Variants in ZFHX3 observed in about 807,000 individuals in gnomAD.
The protein encoded by ZFHX3 is zinc finger homeobox protein 3.
A neutral mutation model predicts 279.1 loss-of-function variants in ZFHX3; 42 were observed. The observed-to-expected ratio is 0.15, with a 90% CI of 0.12 to 0.19. The LOEUF is 0.19. ZFHX3 is among the 10% of genes least tolerant of loss of function. The pLI is 1.00. For missense variants in ZFHX3, 4,981 were observed against 4,754.0 expected, an observed-to-expected ratio of 1.05 and a Z score of -1.40; for synonymous variants, 2,293 against 1,957.8, an observed-to-expected ratio of 1.17 and a Z score of -4.52.
intron 3 of ZFHX3, among the ~76,000 whole-genome samples, chr16:73,374,826 A>T (rs1284512852): frequency 6.6e-6 from 1 of 152,196 alleles, no homozygotes; most frequent in Non-Finnish European, 1.5e-5. Flanking sequence ...GGTGGTGTTT[A>T]CATGTTCTGC....
At chr16:73,108,775 C>T (rs983701494) in intron 7 of ZFHX3, among the ~76,000 whole-genome samples, 1 of 152,212 alleles carries the variant, frequency 6.6e-6, no homozygotes, top group African/African-American at 2.4e-5. Flanking sequence ...GTCTTATTAC[C>T]TGTTGATTAG....
chr16:73,669,752 T>C (rs1482051453), intron 2 of ZFHX3, among the ~76,000 whole-genome samples: 2 of 152,234 alleles, frequency 1.3e-5, no homozygotes, highest in Non-Finnish European at 2.9e-5. Flanking sequence ...GCTTGTTTCC[T>C]GGTCTCTCAG....
At chr16:73,196,150 GTTT>G (rs11357649) in intron 5 of ZFHX3, among the ~76,000 whole-genome samples, 1 of 104,924 alleles carries the variant, frequency 9.5e-6, no homozygotes, top group African/African-American at 3.7e-5. Context: ...TCTTGAAATA[GTTT>G]TTTTTTTTTT....
chr16:73,016,791 C>G (rs1400007298), intron 1 of ZFHX3, among the ~76,000 whole-genome samples: 1 of 152,070 alleles, frequency 6.6e-6, no homozygotes, highest in African/African-American at 2.4e-5. Flanking sequence ...TGTGGATTCG[C>G]ACCCTGGTGA....
intron 1 of ZFHX3, among the ~76,000 whole-genome samples, chr16:73,040,666 A>G (rs1452082258): frequency 6.6e-6 from 1 of 152,228 alleles, no homozygotes; most frequent in Admixed American, 6.5e-5. Flanking sequence ...CATGGGGAAG[A>G]AGAGAATTGC....
At chr16:73,035,078 C>T (rs8057081) in intron 1 of ZFHX3, among the ~76,000 whole-genome samples, 38,058 of 151,914 alleles carry the variant, frequency 0.25, 4,900 homozygotes, top group East Asian at 0.35. Context: ...TTGTCACTAC[C>T]GAGCCTGTGA....
At chr16:73,887,177 A>G (rs2030374286) in intron 1 of ZFHX3, among the ~76,000 whole-genome samples, 1 of 152,200 alleles carries the variant, frequency 6.6e-6, no homozygotes, top group African/African-American at 2.4e-5. Flanking sequence ...TATAAAATAA[A>G]TTAACAAAAT....
At chr16:73,621,706 A>C (rs1478802885) in intron 2 of ZFHX3, among the ~76,000 whole-genome samples, 1 of 152,216 alleles carries the variant, frequency 6.6e-6, no homozygotes. Flanking sequence ...TCCAGGTTAT[A>C]TATCTACAAT....
intron 6 of ZFHX3, among the ~76,000 whole-genome samples, chr16:73,136,521 C>T (rs900651150): frequency 2.0e-5 from 3 of 151,956 alleles, no homozygotes; most frequent in Middle Eastern, 3.4e-3. Context: ...GTCAGGAGTT[C>T]GAGACCAGCC....
rs549467711 is a variant in ZFHX3, at chr16:73,175,418, GC to G, written c.-1103-31588del. Among the ~76,000 whole-genome samples, 40 of 151,868 alleles carry G rather than the reference GC, an allele frequency of 2.6e-4. No homozygotes were observed. The East Asian group carries it at 6.6e-3, about 25-fold the overall frequency. ...CAAACAAACAAAAAAACCACTGGTG[GC>G]CCCTGCCTGCTTCTCCAACTTGGTC... On this transcript the variant is annotated intron_variant, in intron 5 of 17. Coordinates refer to the ZFHX3 transcript ENST00000641206.
At chr16:73,780,316 T>A (rs1052847896) in intron 1 of ZFHX3, among the ~76,000 whole-genome samples, 2 of 150,732 alleles carry the variant, frequency 1.3e-5, no homozygotes, top group Non-Finnish European at 3.0e-5. Flanking sequence ...CCTGGCTAAT[T>A]TTTGTATTTT....
chr16:72,990,246 T>C (rs1407553544), intron 1 of ZFHX3, among the ~76,000 whole-genome samples: 1 of 152,196 alleles, frequency 6.6e-6, no homozygotes, highest in East Asian at 1.9e-4. Context: ...TGGCAATTTC[T>C]GAGGTTTAAG....
At chr16:73,559,122 A>C (rs894448378) in intron 2 of ZFHX3, among the ~76,000 whole-genome samples, 1 of 151,734 alleles carries the variant, frequency 6.6e-6, no homozygotes, top group Non-Finnish European at 1.5e-5. Flanking sequence ...ATCACGGCTC[A>C]CTGCAGCTTT....
At chr16:73,193,312 T>C (rs1170767278) in intron 5 of ZFHX3, among the ~76,000 whole-genome samples, 1 of 152,168 alleles carries the variant, frequency 6.6e-6, no homozygotes, top group Non-Finnish European at 1.5e-5. Context: ...GCCTGTAACA[T>C]AATCTCCACC....
chr16:73,235,556 A>T lies in ZFHX3; in HGVS notation c.-1104+21491T>A, dbSNP rs151250714. On this transcript the variant is annotated intron_variant, in intron 5 of 17. Coordinates refer to the ZFHX3 transcript ENST00000641206. ...TGGGGCTTGGGATGAAATGGACCGGAGAGGCACTCGGCTCTGGTCACCTGA... is the reference window on the plus strand; with the variant it reads ...TGGGGCTTGGGATGAAATGGACCGGTGAGGCACTCGGCTCTGGTCACCTGA... Among the ~76,000 whole-genome samples, 97 of 152,340 alleles carry T rather than the reference A, an allele frequency of 6.4e-4. 1 individual carries two copies. In the Middle Eastern group the frequency reaches 0.014, roughly 21 times the overall value.
Position 73,423,873 on chromosome 16 carries a change from A to G in ZFHX3, c.-1291+32130T>C, listed in dbSNP as rs1027079592. On this transcript the variant is annotated intron_variant, in intron 3 of 17. Coordinates refer to the ZFHX3 transcript ENST00000641206. ...TGAGACTCCATCTCAAAAAAAAAAA[A>G]AAAAAGTGAGAGAGATCTAGAAATT... 7.0e-4 allele frequency among the ~76,000 whole-genome samples: 107 copies of G among 152,186 alleles called. 1 individual carries two copies. Among genetic ancestry groups the G allele is most frequent in the South Asian group, 1.9e-3 (9 of 4,814 alleles).
intron 2 of ZFHX3, among the ~76,000 whole-genome samples, chr16:73,568,874 G>A (rs543083237): frequency 1.3e-5 from 2 of 151,988 alleles, no homozygotes; most frequent in African/African-American, 2.4e-5. Flanking sequence ...CCGCTGTCCG[G>A]CTCCGACAGA....
chr16:73,344,055 A>G (rs2016081888), intron 3 of ZFHX3, among the ~76,000 whole-genome samples: 1 of 152,224 alleles, frequency 6.6e-6, no homozygotes, highest in Non-Finnish European at 1.5e-5. Context: ...GAAGATCAGG[A>G]TATTTATGTC....
Position 73,510,562 on chromosome 16 carries a change from A to G in ZFHX3, c.-1546-54304T>C, listed in dbSNP as rs141168526. Among the ~76,000 whole-genome samples the G allele has an allele frequency of 5.9e-5, 9 of 152,332 alleles. No individual in the cohort carries two copies. The East Asian group carries it at 1.3e-3, about 23-fold the overall frequency. ...TTTTGTTCACTTTGAACTATTTACTACAAAGTTAGGAAAATTACGTAGGGT... is the reference window on the plus strand; with the variant it reads ...TTTTGTTCACTTTGAACTATTTACTGCAAAGTTAGGAAAATTACGTAGGGT... On this transcript the variant is annotated intron_variant, in intron 2 of 17. Coordinates refer to the ZFHX3 transcript ENST00000641206.
Sources: gnomAD v4.1 joint callset for allele counts (sites outside exome capture counted in the v4.1 genomes callset) on GRCh38, gnomAD v4.1.1 for gene constraint, MANE v1.5 for transcripts, NCBI Gene and HGNC (gene_info 2026-07-23, HGNC 2026-07-21) for gene names.